MAP3K20: variants seen among roughly 807,000 people sequenced by gnomAD.
MAP3K20 encodes HCCS-4.
A neutral mutation model predicts 85.7 loss-of-function variants in MAP3K20; 40 were observed. The observed-to-expected ratio is 0.47, with a 90% CI of 0.36 to 0.61. The LOEUF (loss-of-function observed/expected upper bound fraction) is 0.61, where lower values mean the gene tolerates loss of function less well. MAP3K20 is among the 20% of genes least tolerant of loss of function. The pLI is 0.00. For synonymous variants in MAP3K20, 325 were observed against 327.7 expected (o/e 0.99, Z 0.09); for missense variants, 817 against 961.7 (o/e 0.85, Z 1.99).
chr2:173,135,809 G>A (rs923300430), intron 2 of MAP3K20, among the ~76,000 whole-genome samples: 5 of 152,082 alleles, frequency 3.3e-5, no homozygotes, highest in Non-Finnish European at 7.4e-5. Flanking sequence ...TTTTTCATAT[G>A]CTTCAAAACC....
chr2:173,261,193 T>G, intron 18 of MAP3K20, 56 bp downstream of exon 18: 2 of 1,554,454 alleles, frequency 1.3e-6, no homozygotes, highest in Non-Finnish European at 1.8e-6. Context: ...GAATATAAAT[T>G]TATCTGTTAT....
chr2:173,233,120 G>A (rs1296786221), intron 14 of MAP3K20, among the ~76,000 whole-genome samples: 1 of 152,146 alleles, frequency 6.6e-6, no homozygotes, highest in Non-Finnish European at 1.5e-5. Flanking sequence ...TACCACAAAG[G>A]CAGTGTGGTG....
At chr2:173,236,335 G>A (rs1329457200) in intron 14 of MAP3K20, among the ~76,000 whole-genome samples, 1 of 150,024 alleles carries the variant, frequency 6.7e-6, no homozygotes, top group Non-Finnish European at 1.5e-5. Flanking sequence ...GAGAAGCCAA[G>A]GAATATGCAG....
intron 2 of MAP3K20, among the ~76,000 whole-genome samples, chr2:173,124,826 A>G (rs1365361627): frequency 1.3e-5 from 2 of 152,294 alleles, no homozygotes; most frequent in East Asian, 1.9e-4. Context: ...AAGAAAGCTT[A>G]AAGTTGCAAC....
rs16861462 is a variant in MAP3K20 at position 173,261,496 on chromosome 2, C to A, written c.1551+359C>A. Among the ~76,000 whole-genome samples, 679 of 152,166 alleles carry A rather than the reference C, an allele frequency of 4.5e-3. 5 individuals are homozygous for A. The highest frequency in any genetic ancestry group is 0.016 in the African/African-American group (647 of 41,500). On this transcript the variant is annotated intron_variant, in intron 18 of 19. Coordinates refer to ENST00000375213, the MANE Select transcript of MAP3K20 (RefSeq NM_016653.3). ...ATCTTCATGGCTGGTAGGACATACA[C>A]CTTACAAGGTACGTAGACCCGGTGG...
At chr2:173,124,102 G>A (rs1252292200) in intron 2 of MAP3K20, among the ~76,000 whole-genome samples, 1 of 152,132 alleles carries the variant, frequency 6.6e-6, no homozygotes, top group East Asian at 1.9e-4. Context: ...TGGATTACCA[G>A]CATCCCATAT....
intron 2 of MAP3K20, among the ~76,000 whole-genome samples, chr2:173,121,063 G>C (rs183956094): frequency 6.6e-6 from 1 of 152,084 alleles, no homozygotes; most frequent in Non-Finnish European, 1.5e-5. Context: ...CTGTTACAGG[G>C]TTGCCAGTGG....
intron 2 of MAP3K20, among the ~76,000 whole-genome samples, chr2:173,140,536 G>C (rs979116352): frequency 1.3e-5 from 2 of 152,048 alleles, no homozygotes; most frequent in African/African-American, 4.8e-5. Flanking sequence ...TTTTAGTAGA[G>C]ATGGGGTTTC....
intron 12 of MAP3K20, among the ~76,000 whole-genome samples, chr2:173,230,877 T>C (rs1456649409): frequency 6.6e-6 from 1 of 152,056 alleles, no homozygotes; most frequent in Admixed American, 6.6e-5. Context: ...ATGCCTATAA[T>C]CCCAGCTACT....
intron 3 of MAP3K20, among the ~76,000 whole-genome samples, chr2:173,174,860 C>T (rs546071288): frequency 6.6e-6 from 1 of 152,218 alleles, no homozygotes; most frequent in South Asian, 2.1e-4. Flanking sequence ...TTGGGGAAAT[C>T]TCTGTATTAT....
At chr2:173,235,061 T>C (rs1477772086) in intron 14 of MAP3K20, among the ~76,000 whole-genome samples, 1 of 152,182 alleles carries the variant, frequency 6.6e-6, no homozygotes, top group Non-Finnish European at 1.5e-5. Flanking sequence ...GTATTGATTG[T>C]TGTGGACGGA....
chr2:173,098,035 G>A (rs1687513387), intron 2 of MAP3K20, among the ~76,000 whole-genome samples: 1 of 152,098 alleles, frequency 6.6e-6, no homozygotes, highest in Non-Finnish European at 1.5e-5. Context: ...AATTGTAAGT[G>A]CTATTTTAAA....
At chr2:173,079,093 G>A (rs1686943730) in intron 1 of MAP3K20, among the ~76,000 whole-genome samples, 1 of 152,120 alleles carries the variant, frequency 6.6e-6, no homozygotes, top group South Asian at 2.1e-4. Context: ...ATACCACAGC[G>A]TGCACCTACA....
chr2:173,239,035 G>A (rs901166778), intron 15 of MAP3K20, among the ~76,000 whole-genome samples: 23 of 152,046 alleles, frequency 1.5e-4, no homozygotes, highest in African/African-American at 4.8e-4. Context: ...TGCGTAATCC[G>A]TCTTTGGGAA....
intron 14 of MAP3K20, among the ~76,000 whole-genome samples, chr2:173,233,389 T>C (rs752753437): frequency 6.6e-6 from 1 of 152,240 alleles, no homozygotes; most frequent in South Asian, 2.1e-4. Flanking sequence ...TTAAGTAGTT[T>C]CAAAGCTAAA....
chr2:173,251,272 C>A (rs746356605), intron 16 of MAP3K20, among the ~76,000 whole-genome samples: 2 of 152,118 alleles, frequency 1.3e-5, no homozygotes, highest in African/African-American at 4.8e-5. Context: ...TCAAGACAGG[C>A]CTTTTTTGCT....
chr2:173,240,754 T>TC (rs1416319480), intron 16 of MAP3K20, among the ~76,000 whole-genome samples: 5 of 152,136 alleles, frequency 3.3e-5, no homozygotes, highest in African/African-American at 1.2e-4. Flanking sequence ...GATCCAGCAA[T>TC]CCCACTCTAG....
intron 1 of MAP3K20, among the ~76,000 whole-genome samples, chr2:173,085,377 A>T (rs116118636): frequency 6.6e-6 from 1 of 152,242 alleles, no homozygotes; most frequent in South Asian, 2.1e-4. Flanking sequence ...TGAAAACTTT[A>T]AAAAGTAAAA....
chr2:173,217,351 T>TC (rs1336100517), intron 11 of MAP3K20, 101 bp downstream of exon 11: 31 of 1,196,912 alleles, frequency 2.6e-5, no homozygotes, highest in Non-Finnish European at 3.2e-5. Flanking sequence ...CGCCGCCCCC[T>TC]CCTCATTTCC....
Sources: allele counts gnomAD v4.1 joint callset (sites outside exome capture counted in the v4.1 genomes callset), GRCh38; gene constraint gnomAD v4.1.1; transcripts MANE v1.5; gene names NCBI Gene and HGNC (gene_info 2026-07-23, HGNC 2026-07-21).